The following RTL4 variants were observed in gnomAD, a reference collection of about 807,000 sequenced individuals.
The protein encoded by RTL4 is retrotransposon Gag-like protein 4.
A neutral mutation model predicts 5.3 loss-of-function variants in RTL4; 4 were observed. The observed-to-expected ratio is 0.75, with a 90% CI of 0.37 to 1.72. The LOEUF (loss-of-function observed/expected upper bound fraction) is 1.72, where lower values mean the gene tolerates loss of function less well. Ranked by LOEUF, RTL4 falls within the 40% of genes most tolerant of loss-of-function variation. RTL4 has a pLI of 0.04. For synonymous variants in RTL4, 98 were observed against 87.3 expected, an observed-to-expected ratio of 1.12 and a Z score of -0.68; for missense variants, 260 against 227.1, an observed-to-expected ratio of 1.14 and a Z score of -0.93.
At chrX:112,201,219 T>G in the RTL4 span, among the ~76,000 whole-genome samples, 1 of 110,559 alleles carries the variant, frequency 9.0e-6, no homozygotes, top group Admixed American at 9.6e-5. Context: ...GAGAACTGCA[T>G]GGGGGAAACC....
chrX:112,239,298 G>A, the RTL4 span, among the ~76,000 whole-genome samples: 11 of 110,645 alleles, frequency 9.9e-5, no homozygotes, highest in Non-Finnish European at 1.7e-4. Flanking sequence ...GTGGGGAGGC[G>A]GGCTTCTATC....
chrX:112,176,932 G>T, the RTL4 span, among the ~76,000 whole-genome samples: 1 of 110,772 alleles, frequency 9.0e-6, no homozygotes, highest in Non-Finnish European at 1.9e-5. Flanking sequence ...AGTATTTGTT[G>T]TTCTGTGCCT....
At chrX:112,407,108 T>A in the RTL4 span, among the ~76,000 whole-genome samples, 3 of 109,707 alleles carry the variant, frequency 2.7e-5, no homozygotes, top group African/African-American at 9.9e-5. Flanking sequence ...AGACTTCTGC[T>A]TGAGAAAAGC....
chrX:112,253,581 T>G, the RTL4 span, among the ~76,000 whole-genome samples: 1 of 112,573 alleles, frequency 8.9e-6, no homozygotes, highest in African/African-American at 3.2e-5. Context: ...TCTCTCAAAG[T>G]GTTCACAGAA....
At chrX:112,184,051 A>G in the RTL4 span, among the ~76,000 whole-genome samples, 1 of 110,462 alleles carries the variant, frequency 9.1e-6, no homozygotes, top group Non-Finnish European at 1.9e-5. Flanking sequence ...TGTCCTTTGT[A>G]GGGACATGGA....
the RTL4 span, among the ~76,000 whole-genome samples, chrX:112,312,197 A>C: frequency 9.0e-6 from 1 of 111,584 alleles, no homozygotes; most frequent in Non-Finnish European, 1.9e-5. Flanking sequence ...TTATGACTCT[A>C]CTGGTGACCT....
At chrX:112,317,112 A>T in the RTL4 span, among the ~76,000 whole-genome samples, 6 of 111,453 alleles carry the variant, frequency 5.4e-5, no homozygotes, top group African/African-American at 2.0e-4. Context: ...AAATAAACAA[A>T]CAAACAAAAA....
chrX:112,240,310 C>T, the RTL4 span, among the ~76,000 whole-genome samples: 46 of 111,376 alleles, frequency 4.1e-4, no homozygotes, highest in Non-Finnish European at 5.3e-4. Context: ...ATAAAATGAA[C>T]AGAACCTGAG....
chrX:112,165,475 T>C, the RTL4 span, among the ~76,000 whole-genome samples: 1 of 111,244 alleles, frequency 9.0e-6, no homozygotes, highest in East Asian at 2.8e-4. Context: ...TAACAAATCC[T>C]GGGGAATTGG....
chrX:112,383,585 C>T, the RTL4 span, among the ~76,000 whole-genome samples: 22 of 111,229 alleles, frequency 2.0e-4, no homozygotes, highest in Non-Finnish European at 3.4e-4. Flanking sequence ...GGGGAAGACA[C>T]GAATAAACCT....
the RTL4 span, among the ~76,000 whole-genome samples, chrX:112,097,693 C>T: frequency 9.0e-6 from 1 of 111,224 alleles, no homozygotes; most frequent in African/African-American, 3.3e-5. Flanking sequence ...AATAAATGCC[C>T]AGTGCTGAAA....
the RTL4 span, among the ~76,000 whole-genome samples, chrX:112,226,971 T>TAAAATAAAATAAAATAAAATAAATAA: frequency 1.4e-3 from 107 of 74,886 alleles, 1 homozygote; most frequent in African/African-American, 4.6e-3. Context: ...TAAAATAAAA[T>TAAAATAAAATAAAATAAAATAAATAA]AATAAAATAA....
chrX:112,271,775 T>C, the RTL4 span, among the ~76,000 whole-genome samples: 1 of 111,915 alleles, frequency 8.9e-6, no homozygotes, highest in Non-Finnish European at 1.9e-5. Flanking sequence ...AGTAGGTGTA[T>C]ATATTTATGG....
the RTL4 span, among the ~76,000 whole-genome samples, chrX:112,226,979 T>C: frequency 1.3e-4 from 7 of 54,142 alleles, no homozygotes; most frequent in South Asian, 1.3e-3. Context: ...AATAATAAAA[T>C]AAAATAAAAC....
At chrX:112,394,828 G>A in the RTL4 span, among the ~76,000 whole-genome samples, 1 of 111,859 alleles carries the variant, frequency 8.9e-6, no homozygotes, top group Non-Finnish European at 1.9e-5. Context: ...TGAAAGTATG[G>A]TAAATTCTTT....
chrX:112,405,108 C>T, the RTL4 span, among the ~76,000 whole-genome samples: 1 of 111,566 alleles, frequency 9.0e-6, no homozygotes, highest in Non-Finnish European at 1.9e-5. Flanking sequence ...AAAGGCAAAC[C>T]TTGCCTTTTT....
the RTL4 span, among the ~76,000 whole-genome samples, chrX:112,176,905 A>G: frequency 9.0e-6 from 1 of 110,976 alleles, no homozygotes; most frequent in African/African-American, 3.3e-5. Context: ...TAGCTCCCAT[A>G]TAGAGTGAGC....
chrX:112,377,113 A>T, the RTL4 span, among the ~76,000 whole-genome samples: 1 of 111,487 alleles, frequency 9.0e-6, no homozygotes, highest in Non-Finnish European at 1.9e-5. Flanking sequence ...GTATGGTAAA[A>T]CAACCCCTTC....
the RTL4 span, among the ~76,000 whole-genome samples, chrX:112,334,778 G>T: frequency 1.8e-5 from 2 of 111,174 alleles, no homozygotes; most frequent in African/African-American, 6.5e-5. Context: ...TCTTCCATTA[G>T]TGTCTTTTTT....
Sources: allele counts gnomAD v4.1 joint callset (sites outside exome capture counted in the v4.1 genomes callset), GRCh38; gene constraint gnomAD v4.1.1; transcripts MANE v1.5; gene names NCBI Gene and HGNC (gene_info 2026-07-23, HGNC 2026-07-21).